DNAJC13: variants seen among roughly 807,000 people sequenced by gnomAD.
DNAJC13 encodes the protein dnaJ homolog subfamily C member 13.
A neutral mutation model predicts 290.5 loss-of-function variants in DNAJC13; 75 were observed. That is an observed-to-expected ratio of 0.26 (90% CI 0.21 to 0.31). The LOEUF (loss-of-function observed/expected upper bound fraction) is 0.31, where lower values mean the gene tolerates loss of function less well. Among genes scored for constraint, DNAJC13 ranks in the 10% least tolerant of loss-of-function variants. The pLI is 1.00. For synonymous variants in DNAJC13, 862 were observed against 892.0 expected (o/e 0.97, Z 0.60); for missense variants, 2,260 against 2,674.5 (o/e 0.85, Z 3.42).
At chr3:132,514,180 T>C (rs1935854119) in intron 45 of DNAJC13, among the ~76,000 whole-genome samples, 1 of 152,190 alleles carries the variant, frequency 6.6e-6, no homozygotes, top group South Asian at 2.1e-4. Context: ...AAAACATACC[T>C]ATTTCTTTAT....
chr3:132,434,741 C>A, intron 2 of DNAJC13, 123 bp downstream of exon 2: 2 of 601,744 alleles, frequency 3.3e-6, no homozygotes, highest in Non-Finnish European at 5.2e-6. Flanking sequence ...TTCTGAAAAA[C>A]GTGCATATTA....
chr3:132,466,903 C>G (rs1048013309), intron 19 of DNAJC13, among the ~76,000 whole-genome samples: 1 of 152,110 alleles, frequency 6.6e-6, no homozygotes, highest in Non-Finnish European at 1.5e-5. Context: ...TACGTGTATT[C>G]TTTTTCTGTC....
chr3:132,470,391 TACACAGACAC>T (rs1934158152), intron 20 of DNAJC13, among the ~76,000 whole-genome samples: 1 of 89,410 alleles, frequency 1.1e-5, no homozygotes, highest in Non-Finnish European at 2.2e-5. Flanking sequence ...TACTTCTTTC[TACACAGACAC>T]GGCAACCATC....
At chr3:132,494,499 T>C (rs868529785) in intron 34 of DNAJC13, among the ~76,000 whole-genome samples, 10 of 152,186 alleles carry the variant, frequency 6.6e-5, no homozygotes, top group Admixed American at 3.9e-4. Flanking sequence ...TGGAAAAATG[T>C]ATGCAGAGTA....
At position 132,447,317 on chromosome 3, in the gene DNAJC13, T is replaced by TA; in HGVS notation, c.145-2dup. 1 of 1,543,680 alleles carries TA rather than the reference T, an allele frequency of 6.5e-7. No homozygotes were observed. The highest frequency in any genetic ancestry group is 2.4e-5 in the East Asian group (1 of 42,442). On this transcript the variant is annotated splice_polypyrimidine_tract_variant and splice_region_variant and intron_variant, in intron 3 of 55. Coordinates refer to ENST00000260818, the MANE Select transcript of DNAJC13 (RefSeq NM_015268.4). ...GCACCAGTCAAAATTTTTTTTTTTT[T>TA]AAGTGGCCTTATGGAGACATTTGCA...
intron 20 of DNAJC13, among the ~76,000 whole-genome samples, chr3:132,469,005 TGA>T (rs1934095523): frequency 6.6e-6 from 1 of 152,178 alleles, no homozygotes; most frequent in Non-Finnish European, 1.5e-5. Context: ...TTAAAACAAT[TGA>T]GAGGGAAAAG....
At chr3:132,428,782 T>C (rs886598211) in intron 1 of DNAJC13, among the ~76,000 whole-genome samples, 5 of 152,238 alleles carry the variant, frequency 3.3e-5, no homozygotes, top group Non-Finnish European at 5.9e-5. Flanking sequence ...TCAGCCCGGA[T>C]GGAGCGCAGT....
chr3:132,483,582 A>G lies in DNAJC13; in HGVS notation c.3182+5A>G, dbSNP rs908998611. On this transcript the variant is annotated splice_donor_5th_base_variant and intron_variant, in intron 28 of 55. Coordinates refer to ENST00000260818, the MANE Select transcript of DNAJC13 (RefSeq NM_015268.4). ...GTGTGGATATTTTCCAAGCAGGTAA[A>G]ATGTAATTGAATGTTTCCATGGTTA... The G allele has an allele frequency of 1.2e-6, 2 of 1,611,954 alleles. No homozygotes were observed. The highest frequency in any genetic ancestry group is 4.5e-5 in the East Asian group (2 of 44,862).
intron 48 of DNAJC13, among the ~76,000 whole-genome samples, chr3:132,517,549 T>G (rs1935954168): frequency 6.6e-6 from 1 of 152,162 alleles, no homozygotes; most frequent in Non-Finnish European, 1.5e-5. Flanking sequence ...AGAGTTTGAT[T>G]CAGTAGATCT....
chr3:132,530,876 T>C (rs1936394060), intron 54 of DNAJC13, 122 bp from the exon 55 acceptor site: 4 of 727,464 alleles, frequency 5.5e-6, no homozygotes, highest in African/African-American at 1.8e-5. Context: ...TAGTTCTTGC[T>C]CCATATTTGG....
intron 25 of DNAJC13, among the ~76,000 whole-genome samples, chr3:132,479,892 GT>G (rs1934611345): frequency 6.6e-6 from 1 of 152,052 alleles, no homozygotes; most frequent in African/African-American, 2.4e-5. Context: ...TAATGCAAAT[GT>G]TTTAAACTGA....
At chr3:132,486,370 A>G (rs1475382412) in intron 29 of DNAJC13, among the ~76,000 whole-genome samples, 1 of 151,986 alleles carries the variant, frequency 6.6e-6, no homozygotes, top group Admixed American at 6.5e-5. Context: ...CATTTTTCTA[A>G]GTCTTACGAA....
intron 1 of DNAJC13, among the ~76,000 whole-genome samples, chr3:132,418,531 GA>G (rs1394582461): frequency 1.3e-5 from 2 of 152,060 alleles, no homozygotes; most frequent in African/African-American, 2.4e-5. Context: ...TTAGAGGGGG[GA>G]AAAAAGTAAA....
At chr3:132,513,653 C>T (rs1378016267) in intron 45 of DNAJC13, among the ~76,000 whole-genome samples, 1 of 152,158 alleles carries the variant, frequency 6.6e-6, no homozygotes, top group Non-Finnish European at 1.5e-5. Flanking sequence ...TGCCAGAACC[C>T]ATGGGTCTTA....
At chr3:132,438,315 A>C (rs779374389) in intron 2 of DNAJC13, among the ~76,000 whole-genome samples, 18 of 152,186 alleles carry the variant, frequency 1.2e-4, no homozygotes, top group Non-Finnish European at 2.2e-4. Flanking sequence ...TACATTATTA[A>C]ATGGCACTGA....
intron 2 of DNAJC13, among the ~76,000 whole-genome samples, chr3:132,439,275 T>C (rs1180314797): frequency 1.3e-5 from 2 of 152,136 alleles, no homozygotes; most frequent in Non-Finnish European, 2.9e-5. Flanking sequence ...TACAGGAAAT[T>C]GAGAGAAGTG....
At position 132,427,133 on chromosome 3, in the gene DNAJC13, A is replaced by ATATTT. The variant is rs1310339480; in HGVS notation, c.-13-7404_-13-7403insATTTT. Reference sequence around the variant, plus strand: ...TGTGTGTGTGTGTATATATATATATATTTTTTTTTTTTTTTTGAGACAGGG... The same window carrying ATATTT: ...TGTGTGTGTGTGTATATATATATATATATTTTTTTTTTTTTTTTTTTGAGACAGGG... On this transcript the variant is annotated intron_variant, in intron 1 of 55. Coordinates refer to ENST00000260818, the MANE Select transcript of DNAJC13 (RefSeq NM_015268.4). 1.2e-3 allele frequency among the ~76,000 whole-genome samples: 147 copies of ATATTT among 122,184 alleles called. 2 individuals carry two copies. The highest frequency in any genetic ancestry group is 2.5e-3 in the African/African-American group (78 of 30,718). 80.2% of individuals were successfully genotyped at this position (122,184 alleles called of 152,430 possible).
chr3:132,515,885 T>C (rs1452960733), intron 46 of DNAJC13, among the ~76,000 whole-genome samples: 1 of 152,210 alleles, frequency 6.6e-6, no homozygotes, highest in Non-Finnish European at 1.5e-5. Context: ...GTCATTCCCA[T>C]TTGACTCTAG....
At position 132,456,705 on chromosome 3, in the gene DNAJC13, A is replaced by AT; in HGVS notation, c.1223dup (p.Thr409AsnfsTer18). 1 of 1,614,106 alleles carries AT rather than the reference A, an allele frequency of 6.2e-7. No individual in the cohort carries two copies. The highest frequency in any genetic ancestry group is 8.5e-7 in the Non-Finnish European group (1 of 1,179,952). ...CAAAGAAAAACTGATCAATAATGCC[A>AT]TAACAGCATTACTGTCCCAAGAAGG... is the stretch of plus-strand genomic sequence containing the variant. On this transcript the variant is annotated frameshift_variant, in exon 12 of 56. Coordinates refer to ENST00000260818, the MANE Select transcript of DNAJC13 (RefSeq NM_015268.4). LOFTEE classifies it high-confidence loss of function.
Sources: allele counts gnomAD v4.1 joint callset (sites outside exome capture counted in the v4.1 genomes callset), GRCh38; gene constraint gnomAD v4.1.1; transcripts MANE v1.5; gene names NCBI Gene and HGNC (gene_info 2026-07-23, HGNC 2026-07-21).